The following SEMA3C variants were observed in gnomAD, a reference collection of about 807,000 sequenced individuals.
SEMA3C encodes the protein semaphorin-3C.
Under a neutral mutation model 89.4 loss-of-function variants are expected in SEMA3C, and 47 were observed. The observed-to-expected ratio is 0.53, with a 90% CI of 0.42 to 0.67. SEMA3C has a LOEUF of 0.67. Ranked by LOEUF, SEMA3C falls within the 30% of genes least tolerant of loss-of-function variation. SEMA3C has a pLI of 0.00. For synonymous variants in SEMA3C, 310 were observed against 320.2 expected (o/e 0.97, Z 0.34); for missense variants, 839 against 929.1 (o/e 0.90, Z 1.26).
Position 80,744,349 on chromosome 7 carries a change from A to C in SEMA3C, c.*545T>G, listed in dbSNP as rs1787749758. ...AAAAAACCCCAACATATTTCATTGGAACCATAAAAACTCATCATTTTCTCT... is the reference window on the plus strand; with the variant it reads ...AAAAAACCCCAACATATTTCATTGGCACCATAAAAACTCATCATTTTCTCT... On this transcript the variant is annotated 3_prime_UTR_variant, in exon 18 of 18. Coordinates refer to ENST00000265361, the MANE Select transcript of SEMA3C (RefSeq NM_006379.5). The C allele has an allele frequency of 1.3e-5, 2 of 152,756 alleles. No individual in the cohort carries two copies. Among genetic ancestry groups the C allele is most frequent in the South Asian group, 4.1e-4 (2 of 4,862 alleles). 9.5% of individuals were successfully genotyped at this position (152,756 alleles called of 1,614,324 possible). A position where few individuals can be genotyped will look rare whatever the true frequency, so the allele number is the denominator to read the frequency against.
intron 11 of SEMA3C, among the ~76,000 whole-genome samples, chr7:80,794,772 G>C (rs940469445): frequency 6.6e-6 from 1 of 152,232 alleles, no homozygotes; most frequent in South Asian, 2.1e-4. Context: ...ATGTTTGCTC[G>C]GCCACAGAGT....
chr7:80,919,206 C>A (rs1792354786), upstream of SEMA3C: 2 of 985,026 alleles, frequency 2.0e-6, no homozygotes, highest in Non-Finnish European at 2.4e-6. Flanking sequence ...GAGGCCCCAC[C>A]CCGAGCGCGC....
At chr7:80,870,897 G>T (rs1791041224) in intron 2 of SEMA3C, among the ~76,000 whole-genome samples, 1 of 152,198 alleles carries the variant, frequency 6.6e-6, no homozygotes, top group Admixed American at 6.5e-5. Context: ...TCGCTCCAGA[G>T]ATGCCACACC....
At chr7:80,750,185 G>A (rs960841385) in intron 16 of SEMA3C, among the ~76,000 whole-genome samples, 2 of 151,848 alleles carry the variant, frequency 1.3e-5, no homozygotes, top group African/African-American at 4.8e-5. Flanking sequence ...CACAAGGAAG[G>A]TCTGCTTGGA....
intron 5 of SEMA3C, among the ~76,000 whole-genome samples, 192 bp from the exon 6 acceptor site, chr7:80,810,893 A>T (rs531860084): frequency 6.6e-6 from 1 of 152,320 alleles, no homozygotes; most frequent in East Asian, 1.9e-4. Context: ...AGCTAACCTC[A>T]GCAGGGCTAG....
chr7:80,853,273 T>A (rs1408111463), intron 2 of SEMA3C, among the ~76,000 whole-genome samples: 3 of 152,100 alleles, frequency 2.0e-5, no homozygotes, highest in East Asian at 1.9e-4. Flanking sequence ...TGGGTACATA[T>A]GCAAAAGAAA....
chr7:80,892,829 T>C (rs761725165), intron 2 of SEMA3C, among the ~76,000 whole-genome samples: 24 of 152,178 alleles, frequency 1.6e-4, no homozygotes, highest in Non-Finnish European at 3.1e-4. Context: ...TTGATGTTTT[T>C]TTCCTTCATT....
At chr7:80,827,856 CAGTT>C (rs1335441724) in intron 3 of SEMA3C, among the ~76,000 whole-genome samples, 3 of 152,216 alleles carry the variant, frequency 2.0e-5, no homozygotes, top group Non-Finnish European at 4.4e-5. Context: ...ATATCTTTCT[CAGTT>C]AGTATTATTT....
intron 2 of SEMA3C, among the ~76,000 whole-genome samples, chr7:80,840,101 T>C (rs1790227514): frequency 6.6e-6 from 1 of 152,134 alleles, no homozygotes; most frequent in Non-Finnish European, 1.5e-5. Context: ...AACACAATGC[T>C]TGTGTTTATA....
At chr7:80,747,144 G>C (rs1787821417) in intron 17 of SEMA3C, among the ~76,000 whole-genome samples, 2 of 151,974 alleles carry the variant, frequency 1.3e-5, no homozygotes, top group Admixed American at 1.3e-4. Context: ...ACTTGTGTTA[G>C]AGCTAATGTT....
rs770304229 is a variant in SEMA3C, at chr7:80,802,760, C to T, written c.821G>A (p.Arg274His). Residue 274 changes from arginine to histidine, a missense_variant, in exon 9 of 18, where the codon CGT becomes CAT. Transcript: ENST00000265361. ...RICPNDTGGL[R>H]SLVNKWTTFL... ...AGTGGTCCACTTGTTGACAAGGCTA[C>T]GCAGTCCACCAGTGTCATTCTAAAA... The T allele has an allele frequency of 2.5e-6, 4 of 1,612,594 alleles. No homozygotes were observed. The highest frequency in any genetic ancestry group is 1.7e-4 in the Middle Eastern group (1 of 6,052).
chr7:80,856,272 T>C (rs1246367613), intron 2 of SEMA3C, among the ~76,000 whole-genome samples: 1 of 152,084 alleles, frequency 6.6e-6, no homozygotes, highest in Non-Finnish European at 1.5e-5. Context: ...TTTTAGAACA[T>C]TTGATGTTTT....
rs909620397 is a variant in SEMA3C at position 80,757,245 on chromosome 7, C to T, written c.1643+1086G>A. ...CTACTATTTGCTCCCTCTGCTAACC[C>T]TAATTTTCAAAGGTTTTAGCCTTGT... On this transcript the variant is annotated intron_variant, in intron 15 of 17. Transcript: ENST00000265361. Among the ~76,000 whole-genome samples the T allele has an allele frequency of 2.6e-5, 4 of 152,342 alleles. No individual in the cohort carries two copies. The South Asian group carries it at 6.2e-4, about 24-fold the overall frequency.
chr7:80,760,390 T>TG (rs761562434), intron 14 of SEMA3C, among the ~76,000 whole-genome samples: 6 of 152,194 alleles, frequency 3.9e-5, no homozygotes, highest in Non-Finnish European at 7.3e-5. Flanking sequence ...AGGGCTTCCC[T>TG]GCTGACTTCA....
At chr7:80,868,275 T>C (rs1228883468) in intron 2 of SEMA3C, among the ~76,000 whole-genome samples, 1 of 152,178 alleles carries the variant, frequency 6.6e-6, no homozygotes, top group Non-Finnish European at 1.5e-5. Flanking sequence ...TTTTATTCAT[T>C]ATTTTTTTCT....
chr7:80,843,682 T>G (rs1790324173), intron 2 of SEMA3C, among the ~76,000 whole-genome samples: 1 of 152,180 alleles, frequency 6.6e-6, no homozygotes, highest in Admixed American at 6.6e-5. Flanking sequence ...GTACACTAGC[T>G]TTAGGGCATT....
chr7:80,812,744 C>G (rs1469289869), intron 5 of SEMA3C, among the ~76,000 whole-genome samples: 1 of 151,974 alleles, frequency 6.6e-6, no homozygotes, highest in Non-Finnish European at 1.5e-5. Context: ...GTTCGTTAGG[C>G]TTTTCTCTTT....
chr7:80,815,919 A>G (rs1747244705), intron 5 of SEMA3C: 1 of 152,184 alleles, frequency 6.6e-6, no homozygotes, highest in Non-Finnish European at 1.5e-5. Context: ...TAATATTCCA[A>G]GAATTTGTTG....
At chr7:80,870,621 G>C (rs1791033647) in intron 2 of SEMA3C, among the ~76,000 whole-genome samples, 1 of 152,122 alleles carries the variant, frequency 6.6e-6, no homozygotes, top group South Asian at 2.1e-4. Context: ...AAATCTGGAG[G>C]AACACCTATT....
Sources: gnomAD v4.1 joint callset for allele counts (sites outside exome capture counted in the v4.1 genomes callset) on GRCh38, gnomAD v4.1.1 for gene constraint, MANE v1.5 for transcripts, NCBI Gene and HGNC (gene_info 2026-07-23, HGNC 2026-07-21) for gene names.